PRKAR1B: variants seen among roughly 807,000 people sequenced by gnomAD.
PRKAR1B encodes the protein cAMP-dependent protein kinase type I-beta regulatory subunit.
PRKAR1B carries 22 observed loss-of-function variants against 46.5 expected under a neutral mutation model. The observed-to-expected ratio is 0.47, with a 90% CI of 0.34 to 0.68. The LOEUF (loss-of-function observed/expected upper bound fraction) is 0.68. Among genes scored for constraint, PRKAR1B ranks in the 30% least tolerant of loss-of-function variants. PRKAR1B has a pLI of 0.01. For synonymous variants in PRKAR1B, 259 were observed against 217.7 expected, an observed-to-expected ratio of 1.19 and a Z score of -1.67; for missense variants, 445 against 535.6, an observed-to-expected ratio of 0.83 and a Z score of 1.67.
At chr7:665,837 A>G (rs1267117424) in intron 4 of PRKAR1B, among the ~76,000 whole-genome samples, 1 of 152,154 alleles carries the variant, frequency 6.6e-6, no homozygotes, top group Non-Finnish European at 1.5e-5. Flanking sequence ...TGAGGATCCG[A>G]GCCAGTTTGT....
At chr7:675,815 G>A (rs77649930) in intron 4 of PRKAR1B, among the ~76,000 whole-genome samples, 7,121 of 152,084 alleles carry the variant, frequency 0.047, 427 homozygotes, top group African/African-American at 0.14. Context: ...GCGTGGTGTC[G>A]GGATCCTGTA....
In PRKAR1B at chr7:575,127, A is replaced by G. The variant is rs144780496; in HGVS notation, c.891+4129T>C. Reference sequence around the variant, plus strand: ...CACAGTTCGGGGGTTGGAGGGGCTCAGCCGGGCGGTTCTCACTCGGGGTCT... The same window carrying G: ...CACAGTTCGGGGGTTGGAGGGGCTCGGCCGGGCGGTTCTCACTCGGGGTCT... On this transcript the variant is annotated intron_variant, in intron 9 of 10. Coordinates refer to ENST00000537384, the MANE Select transcript of PRKAR1B (RefSeq NM_001164760.2). Among the ~76,000 whole-genome samples, 295 of 152,368 alleles carry G rather than the reference A, an allele frequency of 1.9e-3. 1 individual carries two copies. Among genetic ancestry groups the G allele is most frequent in the African/African-American group, 6.7e-3 (278 of 41,582 alleles).
intron 4 of PRKAR1B, among the ~76,000 whole-genome samples, chr7:628,025 G>C (rs2128477119): frequency 6.6e-6 from 1 of 152,044 alleles, no homozygotes; most frequent in East Asian, 1.9e-4. Flanking sequence ...TCATCACAGG[G>C]GGACAGCGGT....
At chr7:717,328 A>G (rs78889682) in intron 1 of PRKAR1B, among the ~76,000 whole-genome samples, 2,019 of 151,908 alleles carry the variant, frequency 0.013, 33 homozygotes, top group East Asian at 0.11. Flanking sequence ...ACAGAAGGAA[A>G]GAAAGAAAGG....
intron 6 of PRKAR1B, among the ~76,000 whole-genome samples, chr7:601,438 A>G (rs1781588516): frequency 6.6e-6 from 1 of 152,228 alleles, no homozygotes; most frequent in Non-Finnish European, 1.5e-5. Context: ...TATAATACAT[A>G]TGCCCATAAC....
At chr7:621,873 G>T (rs1052793284) in intron 4 of PRKAR1B, among the ~76,000 whole-genome samples, 7 of 152,192 alleles carry the variant, frequency 4.6e-5, no homozygotes, top group African/African-American at 1.7e-4. Context: ...AGAATAAGGG[G>T]CTCCCACGGT....
rs544941827 is a variant in PRKAR1B, at chr7:644,374, G to A, written c.440+32855C>T. On this transcript the variant is annotated intron_variant, in intron 4 of 10. Coordinates refer to ENST00000537384, the MANE Select transcript of PRKAR1B (RefSeq NM_001164760.2). The surrounding 1 kb of genome is among the most constrained non-coding windows in gnomAD (Gnocchi z 4.9). Reference sequence around the variant, plus strand: ...CAATGAGGTGGGGAAACTGAGGCGCGCACATTCGGAACGGGGTTTTGCTCC... The same window carrying A: ...CAATGAGGTGGGGAAACTGAGGCGCACACATTCGGAACGGGGTTTTGCTCC... Among the ~76,000 whole-genome samples, 90 of 152,276 alleles carry A rather than the reference G, an allele frequency of 5.9e-4. No homozygotes were observed. The highest frequency in any genetic ancestry group is 1.9e-3 in the African/African-American group (80 of 41,556).
chr7:677,043 G>T (rs1057124099), intron 4 of PRKAR1B, among the ~76,000 whole-genome samples, 186 bp downstream of exon 4: 3 of 151,488 alleles, frequency 2.0e-5, no homozygotes, highest in Non-Finnish European at 4.4e-5. Flanking sequence ...GGCAAGCAAC[G>T]GGGCCTGCCC....
intron 4 of PRKAR1B, among the ~76,000 whole-genome samples, chr7:661,293 T>C (rs1785541916): frequency 4.8e-5 from 1 of 21,038 alleles, no homozygotes; most frequent in African/African-American, 2.5e-4. Context: ...CGGATCCAAA[T>C]ACCTACTCTC....
intron 6 of PRKAR1B, among the ~76,000 whole-genome samples, chr7:597,916 A>G (rs1449907238): frequency 1.3e-5 from 2 of 152,224 alleles, no homozygotes; most frequent in African/African-American, 4.8e-5. Context: ...CTTGCAGCAC[A>G]GTGAGTTTCA....
intron 8 of PRKAR1B, among the ~76,000 whole-genome samples, chr7:583,596 G>A (rs995533761): frequency 1.4e-5 from 1 of 69,352 alleles, no homozygotes; most frequent in Non-Finnish European, 2.9e-5. Context: ...ACTCCCAGGT[G>A]CACACACACC....
intron 2 of PRKAR1B, among the ~76,000 whole-genome samples, chr7:682,912 A>C (rs988994395): frequency 6.6e-6 from 1 of 152,030 alleles, no homozygotes; most frequent in African/African-American, 2.4e-5. Context: ...CCTCACACAG[A>C]TCAGGCACAC....
chr7:676,682 C>T (rs190475175), intron 4 of PRKAR1B, among the ~76,000 whole-genome samples: 51 of 152,338 alleles, frequency 3.3e-4, no homozygotes, highest in Middle Eastern at 3.4e-3. Flanking sequence ...GGTGAGCCCA[C>T]GTTTCCTGAG....
In PRKAR1B at chr7:579,383, G is replaced by A. The variant is rs201292378; in HGVS notation, c.770-6C>T. 131 of 1,612,854 alleles carry A rather than the reference G, an allele frequency of 8.1e-5. 1 individual carries two copies. The African/African-American group carries it at 8.4e-4, about 10-fold the overall frequency. On this transcript the variant is annotated splice_region_variant and splice_polypyrimidine_tract_variant and intron_variant, in intron 8 of 10. Transcript: ENST00000537384. ...CTCCCACTTCTCCAGGGACTCTGTCGGGGGAGGATGAGGACAGGTCATCCC... is the reference window on the plus strand; with the variant it reads ...CTCCCACTTCTCCAGGGACTCTGTCAGGGGAGGATGAGGACAGGTCATCCC...
intron 7 of PRKAR1B, among the ~76,000 whole-genome samples, chr7:594,043 G>A (rs878960217): frequency 2.0e-5 from 3 of 152,218 alleles, no homozygotes; most frequent in Admixed American, 2.0e-4. Context: ...ATCAGACGAC[G>A]CACTTCCAAG....
At chr7:597,721 G>A (rs1011788542) in intron 6 of PRKAR1B, among the ~76,000 whole-genome samples, 1 of 152,250 alleles carries the variant, frequency 6.6e-6, no homozygotes, top group Non-Finnish European at 1.5e-5. Context: ...TGGCGATGAA[G>A]CCGGGGGAAG....
At chr7:581,201 G>A (rs1249794606) in intron 8 of PRKAR1B, among the ~76,000 whole-genome samples, 2 of 151,944 alleles carry the variant, frequency 1.3e-5, no homozygotes, top group Non-Finnish European at 2.9e-5. Context: ...TACTCCGGAG[G>A]CTGAGGCAGG....
intron 7 of PRKAR1B, among the ~76,000 whole-genome samples, chr7:586,809 C>T (rs1209246646): frequency 1.3e-5 from 2 of 152,078 alleles, no homozygotes; most frequent in African/African-American, 4.8e-5. Flanking sequence ...GCTGGCATAA[C>T]ACCCTGCTGC....
chr7:646,333 C>G (rs1283084247), intron 4 of PRKAR1B, among the ~76,000 whole-genome samples: 1 of 152,226 alleles, frequency 6.6e-6, no homozygotes, highest in African/African-American at 2.4e-5. Context: ...CGTGAGCCAC[C>G]GCGCCTGGCC....
Sources: gnomAD v4.1 joint callset for allele counts (sites outside exome capture counted in the v4.1 genomes callset) on GRCh38, gnomAD v4.1.1 for gene constraint, Gnocchi (gnomAD v3.1) non-coding constraint, MANE v1.5 for transcripts, NCBI Gene and HGNC (gene_info 2026-07-23, HGNC 2026-07-21) for gene names.